Variants in CA10 observed in about 807,000 individuals in gnomAD.
CA10 encodes carbonic anhydrase 10 (inactive), also known as carbonic anhydrase-related protein 10.
Under a neutral mutation model 44.2 loss-of-function variants are expected in CA10, and 14 were observed. That is an observed-to-expected ratio of 0.32 (90% CI 0.21 to 0.50). CA10 has a LOEUF of 0.50. Among genes scored for constraint, CA10 ranks in the 20% least tolerant of loss-of-function variants. The pLI, the probability that CA10 is intolerant of heterozygous loss-of-function variation, is 0.99. For missense variants in CA10, 350 were observed against 409.7 expected (o/e 0.85, Z 1.26); for synonymous variants, 159 against 141.6 (o/e 1.12, Z -0.87).
rs1394447487 is a variant in CA10 at position 51,659,042 on chromosome 17, CAAAGGGATGCCCAGACA to C, written c.466-5323_466-5307del. On this transcript the variant is annotated intron_variant, in intron 4 of 8. Transcript: ENST00000451037. ...AATTTTATATGGCAACTTGACTGGG[CAAAGGGATGCCCAGACA>C]GCAGGAAAAACATTATTTCTGGGTG... Among the ~76,000 whole-genome samples the C allele has an allele frequency of 5.9e-5, 9 of 152,250 alleles. No homozygotes were observed. The East Asian group carries it at 1.5e-3, about 26-fold the overall frequency.
chr17:51,701,371 A>T (rs964574494), intron 4 of CA10, among the ~76,000 whole-genome samples: 3 of 152,220 alleles, frequency 2.0e-5, no homozygotes, highest in African/African-American at 7.2e-5. Flanking sequence ...TTGATTAAGT[A>T]CATCTGCAAA....
At chr17:51,829,618 C>T (rs551396008) in intron 3 of CA10, among the ~76,000 whole-genome samples, 28 of 152,258 alleles carry the variant, frequency 1.8e-4, no homozygotes, top group Middle Eastern at 6.8e-3. Context: ...TACTTAGGTA[C>T]CTAGTATATG....
At position 51,725,894 on chromosome 17, in the gene CA10, G is replaced by C. The variant is rs143664707; in HGVS notation, c.465+21739C>G. 1.5e-4 allele frequency among the ~76,000 whole-genome samples: 23 copies of C among 152,266 alleles called. 1 individual carries two copies. The East Asian group carries it at 4.4e-3, about 29-fold the overall frequency. On this transcript the variant is annotated intron_variant, in intron 4 of 8. Coordinates refer to ENST00000451037, the MANE Select transcript of CA10 (RefSeq NM_020178.5). ...GAGACAGGAACCCTGAACTGTCTTG[G>C]GGGTGGGAAGACCCTCTAGGTACAA...
intron 3 of CA10, among the ~76,000 whole-genome samples, chr17:51,829,468 A>C (rs1335628098): frequency 3.3e-5 from 5 of 152,182 alleles, no homozygotes; most frequent in Non-Finnish European, 7.3e-5. Flanking sequence ...ATGCAAATGA[A>C]GGCAGCCATG....
intron 2 of CA10, among the ~76,000 whole-genome samples, chr17:52,003,640 A>G (rs1476008384): frequency 6.6e-6 from 1 of 151,954 alleles, no homozygotes; most frequent in East Asian, 1.9e-4. Context: ...ATCCAATGAT[A>G]CTGGAGTAGG....
chr17:51,989,983 A>T (rs977373563), intron 2 of CA10, among the ~76,000 whole-genome samples: 2 of 152,158 alleles, frequency 1.3e-5, no homozygotes, highest in Admixed American at 1.3e-4. Flanking sequence ...TAACTTGCTC[A>T]ATATCACCCA....
chr17:52,110,091 A>G (rs1006638772), intron 1 of CA10, among the ~76,000 whole-genome samples: 14 of 152,214 alleles, frequency 9.2e-5, no homozygotes, highest in Non-Finnish European at 1.3e-4. Context: ...GCATGAGTCC[A>G]GCTGAAAAAA....
At chr17:52,111,278 A>T (rs988029988) in intron 1 of CA10, among the ~76,000 whole-genome samples, 1 of 152,174 alleles carries the variant, frequency 6.6e-6, no homozygotes, top group African/African-American at 2.4e-5. Context: ...AATTACACCT[A>T]CGCTTACATC....
At chr17:52,104,186 GCC>G (rs1161979388) in intron 1 of CA10, among the ~76,000 whole-genome samples, 2 of 133,432 alleles carry the variant, frequency 1.5e-5, no homozygotes, top group Non-Finnish European at 3.5e-5. Context: ...CACACCTCCT[GCC>G]TTTTTTTTTT....
At chr17:51,746,981 C>T (rs1263983) in intron 4 of CA10, among the ~76,000 whole-genome samples, 96,066 of 152,014 alleles carry the variant, frequency 0.63, 31,251 homozygotes, top group Admixed American at 0.74. Context: ...TCCAGTATAA[C>T]GGGGGTAAAA....
At chr17:51,995,694 A>G (rs917869344) in intron 2 of CA10, among the ~76,000 whole-genome samples, 1 of 152,086 alleles carries the variant, frequency 6.6e-6, no homozygotes, top group African/African-American at 2.4e-5. Context: ...CTTTGTGCAA[A>G]GGTTCTCTGA....
At chr17:51,635,520 G>GA (rs879941962) in intron 7 of CA10, among the ~76,000 whole-genome samples, 1,475 of 138,958 alleles carry the variant, frequency 0.011, 30 homozygotes, top group African/African-American at 0.037. Context: ...TCTCAAAAAA[G>GA]AAAAAAAAAA....
At chr17:51,690,000 T>C (rs1388145228) in intron 4 of CA10, among the ~76,000 whole-genome samples, 1 of 151,712 alleles carries the variant, frequency 6.6e-6, no homozygotes, top group African/African-American at 2.4e-5. Context: ...CAGGCTGGAG[T>C]GCAGTGGCAT....
At chr17:51,955,469 G>A (rs935336361) in intron 2 of CA10, among the ~76,000 whole-genome samples, 10 of 152,054 alleles carry the variant, frequency 6.6e-5, no homozygotes, top group Non-Finnish European at 7.4e-5. Context: ...TTTGGCCACC[G>A]TGGCAACTTG....
chr17:52,001,327 G>A (rs1179927537), intron 2 of CA10, among the ~76,000 whole-genome samples: 1 of 152,032 alleles, frequency 6.6e-6, no homozygotes, highest in East Asian at 1.9e-4. Context: ...TATCCATGCT[G>A]TTTTTTCAAC....
At chr17:51,797,397 C>T (rs555554285) in intron 3 of CA10, among the ~76,000 whole-genome samples, 27 of 152,306 alleles carry the variant, frequency 1.8e-4, no homozygotes, top group African/African-American at 6.3e-4. Flanking sequence ...TCCACTAACT[C>T]ATGAGGTGAC....
At chr17:51,679,129 GCAT>G (rs1230913756) in intron 4 of CA10, among the ~76,000 whole-genome samples, 6 of 152,190 alleles carry the variant, frequency 3.9e-5, no homozygotes, top group Admixed American at 6.5e-5. Flanking sequence ...GTAAACCACA[GCAT>G]CATATGTCAG....
chr17:51,635,976 T>C lies in CA10; in HGVS notation c.668A>G (p.Glu223Gly). 1 of 1,605,170 alleles carries C rather than the reference T, an allele frequency of 6.2e-7. No homozygotes were observed. Among genetic ancestry groups the C allele is most frequent in the Non-Finnish European group, 8.5e-7 (1 of 1,174,590 alleles). ...ACTAGAGGTCTCTGGATATAGTTCC[T>C]CTATATTAAGCCCCTGTAGTAAATA... The part of the protein sequence containing the change: ...DAYLLQGLNI[E>G]ELYPETSSFI... The change falls in exon 7 of 9, where the codon GAG (glutamate) becomes GGG (glycine). Residue 223 changes from glutamate (E) to glycine (G), a missense_variant. Coordinates refer to ENST00000451037, the MANE Select transcript of CA10 (RefSeq NM_020178.5).
intron 4 of CA10, among the ~76,000 whole-genome samples, chr17:51,738,247 G>A (rs1263566505): frequency 6.6e-6 from 1 of 152,216 alleles, no homozygotes; most frequent in Non-Finnish European, 1.5e-5. Context: ...TTATCGATAT[G>A]TCAGTGCAAA....
Sources: gnomAD v4.1 joint callset for allele counts (sites outside exome capture counted in the v4.1 genomes callset) on GRCh38, gnomAD v4.1.1 for gene constraint, MANE v1.5 for transcripts, NCBI Gene and HGNC (gene_info 2026-07-23, HGNC 2026-07-21) for gene names.